Variants in MAGI2 observed in about 807,000 individuals in gnomAD.
MAGI2 encodes membrane associated guanylate kinase, WW and PDZ domain containing 2.
MAGI2 carries 35 observed loss-of-function variants against 133.3 expected under a neutral mutation model. The observed-to-expected ratio is 0.26, with a 90% CI of 0.20 to 0.35. The LOEUF is 0.35. Ranked by LOEUF, MAGI2 falls within the 10% of genes least tolerant of loss-of-function variation. MAGI2 has a pLI of 1.00. For synonymous variants in MAGI2, 729 were observed against 710.6 expected (o/e 1.03, Z -0.41); for missense variants, 1,636 against 1,863.4 (o/e 0.88, Z 2.25).
chr7:78,307,419 G>A (rs1798331504), intron 9 of MAGI2, among the ~76,000 whole-genome samples: 1 of 152,144 alleles, frequency 6.6e-6, no homozygotes, highest in African/African-American at 2.4e-5. Context: ...TAGTGATAGT[G>A]TGGCTTATAA....
intron 1 of MAGI2, among the ~76,000 whole-genome samples, chr7:79,422,256 C>T (rs910307392): frequency 2.0e-5 from 3 of 152,094 alleles, no homozygotes; most frequent in African/African-American, 7.2e-5. Context: ...CAAATTAGCT[C>T]TTTCCTGTCT....
intron 9 of MAGI2, among the ~76,000 whole-genome samples, chr7:78,273,867 A>G (rs1053675465): frequency 2.0e-5 from 3 of 152,046 alleles, no homozygotes; most frequent in Non-Finnish European, 4.4e-5. Flanking sequence ...GCTTCCTTGC[A>G]TTGAGTTAGA....
At chr7:78,997,966 T>G (rs1806476620) in intron 2 of MAGI2, among the ~76,000 whole-genome samples, 1 of 152,202 alleles carries the variant, frequency 6.6e-6, no homozygotes, top group Non-Finnish European at 1.5e-5. Context: ...ACTCATTCCA[T>G]CTTCTAAAGG....
chr7:78,091,093 G>C (rs1294741355), intron 20 of MAGI2, among the ~76,000 whole-genome samples: 1 of 151,860 alleles, frequency 6.6e-6, no homozygotes, highest in African/African-American at 2.4e-5. Context: ...GAGAGTAAGA[G>C]TGAATGAATA....
At chr7:78,308,094 T>G (rs1235795872) in intron 9 of MAGI2, among the ~76,000 whole-genome samples, 1 of 152,240 alleles carries the variant, frequency 6.6e-6, no homozygotes, top group African/African-American at 2.4e-5. Flanking sequence ...GAATTTCTAA[T>G]ACTCAGCATT....
intron 2 of MAGI2, among the ~76,000 whole-genome samples, chr7:78,740,423 G>A (rs1822300017): frequency 6.6e-6 from 1 of 152,186 alleles, no homozygotes; most frequent in South Asian, 2.1e-4. Flanking sequence ...ACAGAAATGG[G>A]ATGTGAGTCA....
Position 78,901,885 on chromosome 7 carries a change from A to G in MAGI2, c.418+105205T>C, listed in dbSNP as rs1440916551. On this transcript the variant is annotated intron_variant, in intron 2 of 21. Transcript: ENST00000354212. ...CTCTTTTATATTTTGCTAGTTTTCT[A>G]TTTTCTCAGCACATAAGGAACAGAT... Among the ~76,000 whole-genome samples, 3 of 152,076 alleles carry G rather than the reference A, an allele frequency of 2.0e-5. No individual in the cohort carries two copies. The East Asian group carries it at 5.8e-4, about 29-fold the overall frequency.
intron 2 of MAGI2, among the ~76,000 whole-genome samples, chr7:78,852,321 T>C (rs1277759968): frequency 6.6e-6 from 1 of 152,076 alleles, no homozygotes; most frequent in Non-Finnish European, 1.5e-5. Flanking sequence ...TAGTCAACTA[T>C]ATGTGTGACA....
At chr7:78,209,138 CGTG>C (rs1787455894) in intron 10 of MAGI2, among the ~76,000 whole-genome samples, 1 of 79,094 alleles carries the variant, frequency 1.3e-5, no homozygotes, top group Admixed American at 1.8e-4. Context: ...AGGAGAATGG[CGTG>C]AACCCGGGAG....
intron 1 of MAGI2, among the ~76,000 whole-genome samples, chr7:79,259,002 A>G (rs1475313428): frequency 6.6e-6 from 1 of 152,220 alleles, no homozygotes; most frequent in East Asian, 1.9e-4. Context: ...GCTACAAAGT[A>G]AATCTAGTGC....
At chr7:79,186,154 C>G (rs1827069679) in intron 1 of MAGI2, among the ~76,000 whole-genome samples, 1 of 142,998 alleles carries the variant, frequency 7.0e-6, no homozygotes, top group Non-Finnish European at 1.5e-5. Context: ...CATTTGTTTC[C>G]CAAATACTCT....
intron 1 of MAGI2, among the ~76,000 whole-genome samples, chr7:79,154,382 T>C (rs1181860845): frequency 1.3e-5 from 2 of 152,214 alleles, no homozygotes; most frequent in East Asian, 3.9e-4. Flanking sequence ...AATGTTATTT[T>C]ATTACAAATT....
At chr7:78,737,940 C>T (rs1426981365) in intron 2 of MAGI2, among the ~76,000 whole-genome samples, 1 of 151,982 alleles carries the variant, frequency 6.6e-6, no homozygotes, top group Non-Finnish European at 1.5e-5. Flanking sequence ...AATATTAAAA[C>T]CCTGCTTACT....
chr7:78,642,316 G>A (rs1179873496), intron 2 of MAGI2, among the ~76,000 whole-genome samples: 1 of 152,124 alleles, frequency 6.6e-6, no homozygotes, highest in Non-Finnish European at 1.5e-5. Context: ...TAGCTTTTAA[G>A]TTTAGGACCA....
chr7:78,815,707 T>C (rs1789511688), intron 2 of MAGI2, among the ~76,000 whole-genome samples: 2 of 152,204 alleles, frequency 1.3e-5, no homozygotes, highest in African/African-American at 2.4e-5. Context: ...ACTATTGTAA[T>C]TGTTTTGGGG....
chr7:78,966,065 C>A (rs945078443), intron 2 of MAGI2, among the ~76,000 whole-genome samples: 1 of 152,046 alleles, frequency 6.6e-6, no homozygotes, highest in Non-Finnish European at 1.5e-5. Context: ...GACTGCCTTT[C>A]AGCATTTGTC....
chr7:78,910,251 C>G (rs1415628301), intron 2 of MAGI2, among the ~76,000 whole-genome samples: 1 of 138,150 alleles, frequency 7.2e-6, no homozygotes, highest in Non-Finnish European at 1.5e-5. Context: ...AATCCTGGAA[C>G]TTAAAGTAAT....
At chr7:79,145,211 T>C (rs1266319018) in intron 1 of MAGI2, among the ~76,000 whole-genome samples, 1 of 152,214 alleles carries the variant, frequency 6.6e-6, no homozygotes, top group African/African-American at 2.4e-5. Flanking sequence ...TTTCCTACTT[T>C]ATTTTTCTGT....
chr7:79,302,709 G>T lies in MAGI2; in HGVS notation c.301+150311C>A, dbSNP rs114622463. Among the ~76,000 whole-genome samples the T allele has an allele frequency of 5.8e-3, 882 of 152,274 alleles. 9 individuals are homozygous for T. Among genetic ancestry groups the T allele is most frequent in the African/African-American group, 0.02 (817 of 41,556 alleles). On this transcript the variant is annotated intron_variant, in intron 1 of 21. Coordinates refer to ENST00000354212, the MANE Select transcript of MAGI2 (RefSeq NM_012301.4). ...AAATCAGTTAGAGATTTTGGAAAGAGAATTTTGGTCCTCAGTAGCAGGCCT... is the reference window on the plus strand; with the variant it reads ...AAATCAGTTAGAGATTTTGGAAAGATAATTTTGGTCCTCAGTAGCAGGCCT...
Sources: gnomAD v4.1 joint callset for allele counts (sites outside exome capture counted in the v4.1 genomes callset) on GRCh38, gnomAD v4.1.1 for gene constraint, MANE v1.5 for transcripts, NCBI Gene and HGNC (gene_info 2026-07-23, HGNC 2026-07-21) for gene names.